RC3H1: variants seen among roughly 807,000 people sequenced by gnomAD.
The protein encoded by RC3H1 is roquin-1.
A neutral mutation model predicts 138.2 loss-of-function variants in RC3H1; 50 were observed. That is an observed-to-expected ratio of 0.36 (90% CI 0.29 to 0.46). RC3H1 has a LOEUF of 0.46. Among genes scored for constraint, RC3H1 ranks in the 20% least tolerant of loss-of-function variants. The probability of loss-of-function intolerance (pLI) is 1.00; values close to 1 mark genes in which losing one functional copy is unlikely to be tolerated. For synonymous variants in RC3H1, 462 were observed against 489.1 expected, an observed-to-expected ratio of 0.94 and a Z score of 0.73; for missense variants, 1,031 against 1,388.1, an observed-to-expected ratio of 0.74 and a Z score of 4.09.
chr1:173,961,829 C>G lies in RC3H1; in HGVS notation c.2098G>C (p.Ala700Pro), dbSNP rs1659893188. 1 of 1,613,864 alleles carries G rather than the reference C, an allele frequency of 6.2e-7. No homozygotes were observed. Among genetic ancestry groups the G allele is most frequent in the Non-Finnish European group, 8.5e-7 (1 of 1,180,026 alleles). Reference protein sequence around the residue: ...SPIPIEIPPAAVPSYVPESRE... With the variant: ...SPIPIEIPPAPVPSYVPESRE... ...GATTCTGGTACATACGATGGTACTGCTGCAGGTGGAATCTCAATGGGTATA... is the reference window on the plus strand; with the variant it reads ...GATTCTGGTACATACGATGGTACTGGTGCAGGTGGAATCTCAATGGGTATA... The change falls in exon 12 of 20, where the codon GCA (alanine) becomes CCA (proline). Residue 700 changes from alanine (A) to proline (P), a missense_variant. Coordinates refer to ENST00000367696, the MANE Select transcript of RC3H1 (RefSeq NM_172071.4).
At chr1:173,939,845 T>A (rs1218272324) in intron 19 of RC3H1, among the ~76,000 whole-genome samples, 4 of 149,486 alleles carry the variant, frequency 2.7e-5, no homozygotes, top group African/African-American at 9.9e-5. Flanking sequence ...AAAAAAAAAA[T>A]AAAAAAGAAT....
chr1:173,941,217 TC>T, intron 19 of RC3H1, 47 bp downstream of exon 19: 1 of 1,078,644 alleles, frequency 9.3e-7, no homozygotes, highest in Non-Finnish European at 1.4e-6. Context: ...TATTAGTTTC[TC>T]TTTTGTGTGT....
chr1:173,964,454 G>A lies in RC3H1; in HGVS notation c.1617-267C>T, dbSNP rs150796783. ...GCAATCTCGGCTTACTGCAACCTCC[G>A]CCTCCTGGGTTCAAGCGATTCTCAT... On this transcript the variant is annotated intron_variant, in intron 10 of 19. Coordinates refer to ENST00000367696, the MANE Select transcript of RC3H1 (RefSeq NM_172071.4). 1.8e-4 allele frequency among the ~76,000 whole-genome samples: 27 copies of A among 152,030 alleles called. No individual in the cohort carries two copies. In the East Asian group the frequency reaches 4.1e-3, roughly 23 times the overall value.
At chr1:173,972,008 T>C (rs779619061) in intron 8 of RC3H1, among the ~76,000 whole-genome samples, 1 of 152,128 alleles carries the variant, frequency 6.6e-6, no homozygotes, top group Non-Finnish European at 1.5e-5. Flanking sequence ...CGTATTTTCA[T>C]CTAAAAACTT....
chr1:173,996,950 C>T (rs770699187), intron 1 of RC3H1, among the ~76,000 whole-genome samples: 2 of 151,880 alleles, frequency 1.3e-5, no homozygotes, highest in Non-Finnish European at 2.9e-5. Context: ...AACGGCACTG[C>T]CAGGCATGGT....
Position 173,978,497 on chromosome 1 carries a change from G to A in RC3H1, c.1093C>T (p.Pro365Ser), listed in dbSNP as rs755946540. Residue 365 changes from proline (P) to serine (S), a missense_variant, in exon 7 of 20, where the codon CCT becomes TCT. Pro to Ser is a moderately conservative substitution (Grantham distance 74). Transcript: ENST00000367696. ...TTTCCCGTGGGTTTACCTGGACTAG[G>A]GTCAATGTTTGCTAACAGCTCCAAA... The part of the protein sequence containing the change: ...PHLELLANID[P>S]SPDAPPPTWE... 3 of 1,613,864 alleles carry A rather than the reference G, an allele frequency of 1.9e-6. No homozygotes were observed. Among genetic ancestry groups the A allele is most frequent in the Non-Finnish European group, 1.7e-6 (2 of 1,179,910 alleles).
chr1:173,978,679 T>A, intron 6 of RC3H1, 59 bp from the exon 7 acceptor site: 1 of 1,481,900 alleles, frequency 6.7e-7, no homozygotes, highest in Non-Finnish European at 9.1e-7. Flanking sequence ...AATATAAAGA[T>A]TATTTATATC....
chr1:173,941,470 C>A, intron 18 of RC3H1, 90 bp from the exon 19 acceptor site: 3 of 751,870 alleles, frequency 4.0e-6, no homozygotes, highest in Admixed American at 2.4e-5. Context: ...AAGTGATGAT[C>A]CAGAAATCAT....
intron 11 of RC3H1, among the ~76,000 whole-genome samples, chr1:173,963,726 T>C (rs1659976335): frequency 6.6e-6 from 1 of 152,192 alleles, no homozygotes; most frequent in Non-Finnish European, 1.5e-5. Context: ...TCCATAAATA[T>C]TATATATGAA....
At chr1:173,944,751 G>A (rs1411324390) in intron 17 of RC3H1, among the ~76,000 whole-genome samples, 3 of 152,170 alleles carry the variant, frequency 2.0e-5, no homozygotes, top group Non-Finnish European at 2.9e-5. Context: ...AAGCAATGGC[G>A]AAAGCAGACA....
chr1:173,995,300 G>A (rs1661436560), intron 1 of RC3H1, among the ~76,000 whole-genome samples: 2 of 151,972 alleles, frequency 1.3e-5, no homozygotes, highest in African/African-American at 2.4e-5. Flanking sequence ...TTGGGAGGAC[G>A]AGACAGGTGG....
At chr1:173,942,428 CAAAAAAAA>C (rs60694243) in intron 18 of RC3H1, among the ~76,000 whole-genome samples, 3 of 38,086 alleles carry the variant, frequency 7.9e-5, no homozygotes, top group East Asian at 5.5e-4. Flanking sequence ...GACTCAGTCT[CAAAAAAAA>C]AAAAAAAAAA....
At chr1:173,999,489 T>C (rs1214388720) in intron 1 of RC3H1, among the ~76,000 whole-genome samples, 2 of 152,164 alleles carry the variant, frequency 1.3e-5, no homozygotes, top group Non-Finnish European at 1.5e-5. Flanking sequence ...AAACTCCAAG[T>C]CTTACAGCTC....
At chr1:173,985,313 G>A (rs1660980665) in intron 2 of RC3H1, among the ~76,000 whole-genome samples, 1 of 148,062 alleles carries the variant, frequency 6.8e-6, no homozygotes, top group Non-Finnish European at 1.5e-5. Flanking sequence ...GTTTCTCTTT[G>A]GTATATACCT....
At position 173,962,048 on chromosome 1, in the gene RC3H1, G is replaced by T. The variant is rs967570956; in HGVS notation, c.1879C>A (p.Pro627Thr). ...GCAGGTTCAGGAGCAGATGGTGGAG[G>T]TCGGACAAAGCGGGACACACATTGT... Reference protein sequence around the residue: ...PPQCVSRFVRPPPSAPEPAPP... With the variant: ...PPQCVSRFVRTPPSAPEPAPP... The change falls in exon 12 of 20, where the codon CCT (proline) becomes ACT (threonine). Residue 627 changes from proline (P) to threonine (T), a missense_variant. Pro to Thr is a conservative substitution (Grantham distance 38, BLOSUM62 -1). Transcript: ENST00000367696. 2 of 1,613,866 alleles carry T rather than the reference G, an allele frequency of 1.2e-6. No individual in the cohort carries two copies. Among genetic ancestry groups the T allele is most frequent in the Non-Finnish European group, 1.7e-6 (2 of 1,179,948 alleles).
At chr1:173,989,540 T>C (rs1306667152) in intron 2 of RC3H1, among the ~76,000 whole-genome samples, 2 of 152,096 alleles carry the variant, frequency 1.3e-5, no homozygotes, top group African/African-American at 4.8e-5. Flanking sequence ...TCAACTTATC[T>C]TTTTCTTTTG....
intron 11 of RC3H1, 57 bp from the exon 12 acceptor site, chr1:173,962,152 G>T: frequency 2.0e-6 from 3 of 1,480,690 alleles, no homozygotes; most frequent in South Asian, 2.7e-5. Flanking sequence ...AGTTTTCTAT[G>T]TAAGATTTTA....
intron 7 of RC3H1, among the ~76,000 whole-genome samples, chr1:173,977,058 G>T (rs1023133372): frequency 2.6e-5 from 4 of 152,010 alleles, no homozygotes; most frequent in Non-Finnish European, 5.9e-5. Flanking sequence ...GAGTAGCTGG[G>T]ACTACAGGCG....
At chr1:174,007,505 C>A (rs1403235936) in intron 1 of RC3H1, among the ~76,000 whole-genome samples, 1 of 151,972 alleles carries the variant, frequency 6.6e-6, no homozygotes, top group Non-Finnish European at 1.5e-5. Flanking sequence ...GCTTTATCAC[C>A]GAGGCTGGAG....
Sources: allele counts gnomAD v4.1 joint callset (sites outside exome capture counted in the v4.1 genomes callset), GRCh38; gene constraint gnomAD v4.1.1; transcripts MANE v1.5; gene names NCBI Gene and HGNC (gene_info 2026-07-23, HGNC 2026-07-21).